KLHL8: variants seen among roughly 807,000 people sequenced by gnomAD.
The protein encoded by KLHL8 is kelch-like protein 8.
In KLHL8, 38 loss-of-function variants were observed where a neutral mutation model predicts 63.5. The observed-to-expected ratio is 0.60, with a 90% CI of 0.46 to 0.78. KLHL8 has a LOEUF of 0.78. Ranked by LOEUF, KLHL8 falls within the 30% of genes least tolerant of loss-of-function variation. KLHL8 has a pLI of 0.00. For missense variants in KLHL8, 566 were observed against 752.4 expected (o/e 0.75, Z 2.90); for synonymous variants, 224 against 254.3 (o/e 0.88, Z 1.13).
chr4:87,237,978 C>G (rs527270905), intron 1 of KLHL8, among the ~76,000 whole-genome samples: 2 of 152,040 alleles, frequency 1.3e-5, no homozygotes, highest in East Asian at 3.9e-4. Flanking sequence ...CTGTGTCGCC[C>G]AGGCTGGAGT....
At chr4:87,175,502 T>C (rs1730789431) in intron 6 of KLHL8, among the ~76,000 whole-genome samples, 1 of 152,170 alleles carries the variant, frequency 6.6e-6, no homozygotes, top group Admixed American at 6.5e-5. Flanking sequence ...CTAAGGCAGG[T>C]TTTAACCTAT....
At chr4:87,224,186 T>C (rs922667735), upstream of KLHL8, among the ~76,000 whole-genome samples, 1 of 152,094 alleles carries the variant, frequency 6.6e-6, no homozygotes, top group Non-Finnish European at 1.5e-5. Flanking sequence ...CTCAGCCTCC[T>C]GAGTAGCTGG....
intron 2 of KLHL8, among the ~76,000 whole-genome samples, chr4:87,189,250 G>A (rs1330025033): frequency 6.6e-6 from 1 of 152,136 alleles, no homozygotes; most frequent in Non-Finnish European, 1.5e-5. Context: ...GTTGCAGTCT[G>A]TTTACACAAC....
At chr4:87,190,641 C>CA (rs1731445058) in intron 2 of KLHL8, among the ~76,000 whole-genome samples, 1 of 68,458 alleles carries the variant, frequency 1.5e-5, no homozygotes, top group Non-Finnish European at 3.3e-5. Context: ...GAGACTCTGT[C>CA]TTTAAAAAAA....
At chr4:87,167,121 G>T in intron 8 of KLHL8, 1 of 456,644 alleles carries the variant, frequency 2.2e-6, no homozygotes, top group East Asian at 5.1e-5. Flanking sequence ...AATGGAATTC[G>T]GGAAACGTTA....
At chr4:87,206,513 A>G (rs1337281293) in intron 1 of KLHL8, among the ~76,000 whole-genome samples, 1 of 152,212 alleles carries the variant, frequency 6.6e-6, no homozygotes, top group Non-Finnish European at 1.5e-5. Flanking sequence ...TTTGCCAGTA[A>G]TCTTAAATAT....
At chr4:87,209,631 G>A (rs765996873) in intron 1 of KLHL8, among the ~76,000 whole-genome samples, 4 of 152,228 alleles carry the variant, frequency 2.6e-5, no homozygotes, top group East Asian at 1.9e-4. Context: ...CCTTATTCTC[G>A]TTCTCTAGCT....
At chr4:87,210,461 A>T (rs1732359120) in intron 1 of KLHL8, among the ~76,000 whole-genome samples, 1 of 152,276 alleles carries the variant, frequency 6.6e-6, no homozygotes, top group East Asian at 1.9e-4. Flanking sequence ...AGCCTGGGCG[A>T]CAGAGCGAGA....
chr4:87,207,861 GA>G, intron 1 of KLHL8: 1 of 1,523,622 alleles, frequency 6.6e-7, no homozygotes, highest in Non-Finnish European at 9.1e-7. Context: ...ATGACATCAA[GA>G]AGGTGGTGAA....
At chr4:87,184,658 G>C (rs1482359305) in intron 3 of KLHL8, among the ~76,000 whole-genome samples, 1 of 151,850 alleles carries the variant, frequency 6.6e-6, no homozygotes, top group Non-Finnish European at 1.5e-5. Flanking sequence ...AGAAAGGAGA[G>C]GAAGACGACA....
upstream of KLHL8, among the ~76,000 whole-genome samples, chr4:87,222,354 C>G (rs1292499553): frequency 2.0e-5 from 3 of 152,116 alleles, no homozygotes; most frequent in Non-Finnish European, 4.4e-5. Flanking sequence ...TCCCTTTCCC[C>G]CATAAAGAAG....
intron 1 of KLHL8, among the ~76,000 whole-genome samples, chr4:87,203,342 C>T (rs932130577): frequency 2.0e-5 from 3 of 151,990 alleles, no homozygotes; most frequent in Non-Finnish European, 4.4e-5. Flanking sequence ...TCAAGACCAT[C>T]CTGGCTAACA....
chr4:87,238,540 T>G (rs1172808934), intron 1 of KLHL8, among the ~76,000 whole-genome samples: 1 of 152,184 alleles, frequency 6.6e-6, no homozygotes, highest in Non-Finnish European at 1.5e-5. Flanking sequence ...TCTATATCTG[T>G]TCTTTTTAAT....
At chr4:87,174,283 G>GTT (rs1183938505) in intron 6 of KLHL8, among the ~76,000 whole-genome samples, 2 of 146,362 alleles carry the variant, frequency 1.4e-5, no homozygotes, top group Non-Finnish European at 1.5e-5. Context: ...TCACCTGCAA[G>GTT]TTTTTTTTTT....
chr4:87,202,630 C>G (rs946976503), intron 1 of KLHL8, among the ~76,000 whole-genome samples: 8 of 152,166 alleles, frequency 5.3e-5, no homozygotes, highest in Admixed American at 3.9e-4. Flanking sequence ...ACTACCAAAA[C>G]TCACCCAAAA....
intron 2 of KLHL8, among the ~76,000 whole-genome samples, chr4:87,189,669 T>G (rs975889280): frequency 1.2e-4 from 18 of 152,050 alleles, no homozygotes; most frequent in African/African-American, 4.1e-4. Context: ...TCTGTGCTTT[T>G]GTTGCTATTG....
intron 1 of KLHL8, 68 bp downstream of exon 1, chr4:87,220,350 G>C (rs1732785066): frequency 6.5e-6 from 1 of 152,702 alleles, no homozygotes; most frequent in Admixed American, 6.5e-5. Context: ...CGAGCGGACG[G>C]CACCGCACAA....
At chr4:87,192,526 T>C (rs1731535330) in intron 2 of KLHL8, among the ~76,000 whole-genome samples, 1 of 152,202 alleles carries the variant, frequency 6.6e-6, no homozygotes, top group Non-Finnish European at 1.5e-5. Flanking sequence ...TTCAGTATGG[T>C]AATAGGCTAC....
rs201502223 is a variant in KLHL8 at position 87,164,028 on chromosome 4, C to G, written c.1589G>C (p.Arg530Pro). The change falls in exon 9 of 10, where the codon CGA becomes CCA. Residue 530 changes from arginine to proline, a missense_variant. Coordinates refer to ENST00000273963, the MANE Select transcript of KLHL8 (RefSeq NM_020803.5). ...TGCCACATAATCCCACTTGTTGCTT[C>G]GGGGGTCATACCGCTCAACTGAACT... ...PLSSVERYDP[R>P]SNKWDYVAAL... 6.2e-7 allele frequency: 1 copy of G among 1,614,080 alleles called. No individual in the cohort carries two copies. The highest frequency in any genetic ancestry group is 8.5e-7 in the Non-Finnish European group (1 of 1,179,998).
Sources: allele counts gnomAD v4.1 joint callset (sites outside exome capture counted in the v4.1 genomes callset), GRCh38; gene constraint gnomAD v4.1.1; transcripts MANE v1.5; gene names NCBI Gene and HGNC (gene_info 2026-07-23, HGNC 2026-07-21).